Variants in RSRC1 observed in about 807,000 individuals in gnomAD.
The protein encoded by RSRC1 is serine/Arginine-related protein 53.
Under a neutral mutation model 49.1 loss-of-function variants are expected in RSRC1, and 39 were observed. The observed-to-expected ratio is 0.79, with a 90% CI of 0.61 to 1.04. The LOEUF (loss-of-function observed/expected upper bound fraction) is 1.04, where lower values mean the gene tolerates loss of function less well. RSRC1 is among the 50% of genes least tolerant of loss of function. The pLI is 0.00. For synonymous variants in RSRC1, 143 were observed against 130.8 expected, an observed-to-expected ratio of 1.09 and a Z score of -0.63; for missense variants, 388 against 402.4, an observed-to-expected ratio of 0.96 and a Z score of 0.31.
chr3:158,434,888 A>C (rs766624038), intron 6 of RSRC1, among the ~76,000 whole-genome samples: 50 of 151,994 alleles, frequency 3.3e-4, no homozygotes, highest in Non-Finnish European at 5.4e-4. Context: ...TTCCAGTTGT[A>C]AATACAAGAT....
chr3:158,317,623 A>G (rs1728533553), intron 5 of RSRC1, among the ~76,000 whole-genome samples: 1 of 151,900 alleles, frequency 6.6e-6, no homozygotes, highest in East Asian at 1.9e-4. Context: ...CAGTGGTGTG[A>G]TGTTGGCTCA....
intron 3 of RSRC1, among the ~76,000 whole-genome samples, chr3:158,190,642 T>C (rs1221485060): frequency 6.6e-6 from 1 of 151,374 alleles, no homozygotes; most frequent in Non-Finnish European, 1.5e-5. Context: ...TTTTTTTGCT[T>C]GTTTCTTTAT....
At chr3:158,217,899 TG>T (rs756555188) in intron 4 of RSRC1, among the ~76,000 whole-genome samples, 3 of 151,450 alleles carry the variant, frequency 2.0e-5, no homozygotes, top group Non-Finnish European at 4.4e-5. Flanking sequence ...CTAGAATAGT[TG>T]GGGCAAACTT....
At chr3:158,502,871 T>C (rs1739670728) in intron 7 of RSRC1, among the ~76,000 whole-genome samples, 1 of 152,212 alleles carries the variant, frequency 6.6e-6, no homozygotes, top group African/African-American at 2.4e-5. Context: ...TAAAAATGAT[T>C]TCAGGGATTT....
chr3:158,483,040 C>CT (rs1738679809), intron 7 of RSRC1, among the ~76,000 whole-genome samples: 1 of 151,954 alleles, frequency 6.6e-6, no homozygotes, highest in Non-Finnish European at 1.5e-5. Flanking sequence ...AGATTAGAGA[C>CT]TGGGGGGCTT....
intron 7 of RSRC1, among the ~76,000 whole-genome samples, chr3:158,480,905 A>G (rs1738583792): frequency 6.6e-6 from 1 of 152,046 alleles, no homozygotes; most frequent in Non-Finnish European, 1.5e-5. Flanking sequence ...TCACGTAAGA[A>G]CCACATGAAT....
chr3:158,509,117 T>C (rs1740020710), intron 7 of RSRC1, among the ~76,000 whole-genome samples: 1 of 152,146 alleles, frequency 6.6e-6, no homozygotes, highest in African/African-American at 2.4e-5. Context: ...CTTCTCAGAG[T>C]TGTATAGTTT....
intron 6 of RSRC1, among the ~76,000 whole-genome samples, chr3:158,410,646 C>G (rs1409199671): frequency 6.6e-6 from 1 of 152,078 alleles, no homozygotes; most frequent in Non-Finnish European, 1.5e-5. Context: ...AGCTATCTAG[C>G]TGTCTATCTC....
At chr3:158,271,547 A>AT (rs1559970503) in intron 4 of RSRC1, among the ~76,000 whole-genome samples, 1 of 152,016 alleles carries the variant, frequency 6.6e-6, no homozygotes, top group Admixed American at 6.6e-5. Context: ...TGCACCATAT[A>AT]TTTTTTTGTA....
intron 4 of RSRC1, among the ~76,000 whole-genome samples, chr3:158,205,736 C>T (rs776430537): frequency 1.3e-5 from 2 of 152,008 alleles, no homozygotes; most frequent in African/African-American, 2.4e-5. Flanking sequence ...TAGGGGTATC[C>T]AATCTTCTGG....
intron 1 of RSRC1, among the ~76,000 whole-genome samples, chr3:158,114,134 A>T (rs953290678): frequency 2.6e-5 from 4 of 152,286 alleles, no homozygotes; most frequent in Admixed American, 2.6e-4. Flanking sequence ...TTTGGGTTTT[A>T]CATTTAAGTC....
chr3:158,350,633 G>A (rs1421101483), intron 5 of RSRC1, among the ~76,000 whole-genome samples: 1 of 151,984 alleles, frequency 6.6e-6, no homozygotes, highest in Admixed American at 6.6e-5. Context: ...TTTTTTAATG[G>A]AATACATTTT....
chr3:158,199,564 T>C (rs1246507751), intron 3 of RSRC1, among the ~76,000 whole-genome samples: 1 of 152,186 alleles, frequency 6.6e-6, no homozygotes, highest in Non-Finnish European at 1.5e-5. Flanking sequence ...TTATAGTGCT[T>C]TGCTCTTCAT....
At chr3:158,199,556 A>G (rs1230682214) in intron 3 of RSRC1, among the ~76,000 whole-genome samples, 1 of 151,994 alleles carries the variant, frequency 6.6e-6, no homozygotes. Context: ...CTTTGGATTT[A>G]TAGTGCTTTG....
At chr3:158,144,763 T>C (rs1716973225) in intron 3 of RSRC1, among the ~76,000 whole-genome samples, 1 of 152,136 alleles carries the variant, frequency 6.6e-6, no homozygotes, top group Admixed American at 6.5e-5. Context: ...AGTGTAAAAG[T>C]GTTCCTATTT....
At chr3:158,373,459 T>C (rs1345563762) in intron 6 of RSRC1, among the ~76,000 whole-genome samples, 5 of 151,970 alleles carry the variant, frequency 3.3e-5, no homozygotes, top group African/African-American at 1.2e-4. Context: ...TTTTGTCAAA[T>C]GCCTTTTCAG....
chr3:158,446,648 T>G (rs1392808657), intron 6 of RSRC1, among the ~76,000 whole-genome samples: 1 of 152,124 alleles, frequency 6.6e-6, no homozygotes, highest in African/African-American at 2.4e-5. Flanking sequence ...TTCAGTTGTT[T>G]GTATGTGGGA....
chr3:158,395,996 A>G (rs1438370290), intron 6 of RSRC1, among the ~76,000 whole-genome samples: 2 of 152,178 alleles, frequency 1.3e-5, no homozygotes, highest in Non-Finnish European at 2.9e-5. Flanking sequence ...ATGGGATACT[A>G]TGCAGCCATA....
intron 5 of RSRC1, among the ~76,000 whole-genome samples, chr3:158,328,701 A>G (rs1480676388): frequency 1.3e-5 from 2 of 152,058 alleles, no homozygotes; most frequent in Admixed American, 1.3e-4. Flanking sequence ...GAATCTGACA[A>G]TTATGCACCT....
Sources: gnomAD v4.1 joint callset for allele counts (sites outside exome capture counted in the v4.1 genomes callset) on GRCh38, gnomAD v4.1.1 for gene constraint, MANE v1.5 for transcripts, NCBI Gene and HGNC (gene_info 2026-07-23, HGNC 2026-07-21) for gene names.